MAP3K5: variants seen among roughly 807,000 people sequenced by gnomAD.
MAP3K5 encodes the protein mitogen-activated protein kinase kinase kinase 5, also known as ASK-1.
A neutral mutation model predicts 158.7 loss-of-function variants in MAP3K5; 56 were observed. That is an observed-to-expected ratio of 0.35 (90% confidence interval 0.28 to 0.44). MAP3K5 has a LOEUF of 0.44. Ranked by LOEUF, MAP3K5 falls within the 20% of genes least tolerant of loss-of-function variation. The pLI, the probability that MAP3K5 is intolerant of heterozygous loss-of-function variation, is 1.00. For synonymous variants in MAP3K5, 579 were observed against 601.7 expected (o/e 0.96, Z 0.55); for missense variants, 1,294 against 1,674.8 (o/e 0.77, Z 3.97).
chr6:136,780,900 T>C (rs1450815317), intron 1 of MAP3K5, among the ~76,000 whole-genome samples: 1 of 152,196 alleles, frequency 6.6e-6, no homozygotes, highest in African/African-American at 2.4e-5. Flanking sequence ...TAGCTTCAGT[T>C]TTTCCCATGC....
At chr6:136,742,970 A>T (rs916726105) in intron 1 of MAP3K5, among the ~76,000 whole-genome samples, 2 of 152,166 alleles carry the variant, frequency 1.3e-5, no homozygotes, top group Admixed American at 6.5e-5. Flanking sequence ...AGGCAGGAGG[A>T]TCACTTAAGG....
Position 136,629,875 on chromosome 6 carries a change from C to T in MAP3K5, c.2017-6894G>A, listed in dbSNP as rs543357152. ...CAAGCGATTCTCCTGCTTTAGCCTC[C>T]CGAGTAGCTGGGATTACAGGCGCTT... On this transcript the variant is annotated intron_variant, in intron 14 of 29. Coordinates refer to ENST00000359015, the MANE Select transcript of MAP3K5 (RefSeq NM_005923.4). Among the ~76,000 whole-genome samples, 6 of 152,160 alleles carry T rather than the reference C, an allele frequency of 3.9e-5. No homozygotes were observed. In the East Asian group the frequency reaches 1.2e-3, roughly 29 times the overall value.
chr6:136,696,408 G>A (rs1379648568), intron 5 of MAP3K5, among the ~76,000 whole-genome samples: 1 of 152,164 alleles, frequency 6.6e-6, no homozygotes, highest in Non-Finnish European at 1.5e-5. Context: ...AACAATTTCA[G>A]GGAAATAAAA....
At chr6:136,761,308 C>T (rs3041756) in intron 1 of MAP3K5, among the ~76,000 whole-genome samples, 923 of 81,270 alleles carry the variant, frequency 0.011, 13 homozygotes, top group African/African-American at 0.039. Context: ...AAAAAAAAAA[C>T]GAACAGTCAG....
chr6:136,714,768 G>A (rs1781450755), intron 2 of MAP3K5, among the ~76,000 whole-genome samples: 1 of 152,032 alleles, frequency 6.6e-6, no homozygotes, highest in South Asian at 2.1e-4. Flanking sequence ...TTAATGTTTT[G>A]GGGAGCTGCC....
At chr6:136,603,299 A>C (rs1775960500) in intron 19 of MAP3K5, among the ~76,000 whole-genome samples, 3 of 151,042 alleles carry the variant, frequency 2.0e-5, no homozygotes, top group South Asian at 4.2e-4. Flanking sequence ...CAGCCTCCCA[A>C]GTAGCTGGGA....
At chr6:136,665,056 A>G (rs1219670116) in intron 8 of MAP3K5, among the ~76,000 whole-genome samples, 1 of 152,236 alleles carries the variant, frequency 6.6e-6, no homozygotes, top group African/African-American at 2.4e-5. Context: ...GATCACTGAC[A>G]GCTGGGTCTT....
At chr6:136,558,115 A>T (rs1355484720) in intron 29 of MAP3K5, among the ~76,000 whole-genome samples, 1 of 152,242 alleles carries the variant, frequency 6.6e-6, no homozygotes, top group Admixed American at 6.5e-5. Context: ...GCGGTGGCGC[A>T]TGCCTGTAAT....
rs568429483 is a variant in MAP3K5, at chr6:136,705,130, T to C, written c.592A>G (p.Ile198Val). The change falls in exon 3 of 30, where the codon ATA (isoleucine) becomes GTA (valine). Residue 198 changes from isoleucine to valine, a missense_variant. Ile to Val is a conservative substitution (Grantham distance 29, BLOSUM62 3). This residue lies in a region of MAP3K5 where 690 missense variants were observed against 870.5 expected (regional missense o/e 0.79). Coordinates refer to ENST00000359015, the MANE Select transcript of MAP3K5 (RefSeq NM_005923.4). The stretch of plus-strand genomic sequence containing the variant: ...CTCACAGTATTCTTCTGGCAAATTA[T>C]TTCCTGAAAAACAAGAAAAAAAATA... ...NSDSLQSLKE[I>V]ICQKNTMCTG... 3.3e-6 allele frequency: 4 copies of C among 1,198,906 alleles called. No homozygotes were observed. The South Asian group carries it at 5.8e-5, about 17-fold the overall frequency. 74.3% of individuals were successfully genotyped at this position (1,198,906 alleles called of 1,614,324 possible).
chr6:136,580,234 AACAGATGAACAG>A, intron 25 of MAP3K5, 55 bp downstream of exon 25: 1 of 1,061,000 alleles, frequency 9.4e-7, no homozygotes, highest in Non-Finnish European at 1.5e-6. Context: ...TATCAGAAAT[AACAGATGAACAG>A]TAATCTAAAA....
intron 2 of MAP3K5, among the ~76,000 whole-genome samples, chr6:136,713,591 G>T (rs1209356712): frequency 6.6e-6 from 1 of 152,154 alleles, no homozygotes; most frequent in Non-Finnish European, 1.5e-5. Context: ...TCATAAAGCA[G>T]TGTTACATGA....
intron 21 of MAP3K5, among the ~76,000 whole-genome samples, chr6:136,600,337 A>G (rs1775820198): frequency 6.6e-6 from 1 of 151,644 alleles, no homozygotes; most frequent in Non-Finnish European, 1.5e-5. Flanking sequence ...GACCATAGGC[A>G]TGCACCACCG....
At position 136,613,108 on chromosome 6, in the gene MAP3K5, G is replaced by A; in HGVS notation, c.2415+12C>T. On this transcript the variant is annotated intron_variant, in intron 17 of 29. Transcript: ENST00000359015. This position sits in a 1 kb window ranked among gnomAD's most constrained non-coding sequence, Gnocchi z 4.0. ...GAAAGAACTCATGAAAATGAATGCT[G>A]GTGTACCTCACCTTTATGTCCCGGT... The A allele has an allele frequency of 6.3e-7, 1 of 1,592,516 alleles. No homozygotes were observed. The highest frequency in any genetic ancestry group is 1.3e-5 in the African/African-American group (1 of 74,244).
rs867260507 is a variant in MAP3K5 at position 136,651,174 on chromosome 6, C to T, written c.1681-83G>A. The T allele has an allele frequency of 9.7e-5, 64 of 658,644 alleles. 1 individual carries two copies. The highest frequency in any genetic ancestry group is 8.0e-4 in the South Asian group (44 of 55,282). The allele number at this position is 658,644 out of a possible 1,614,324, so 40.8% of individuals were successfully genotyped here. Reference sequence around the variant, plus strand: ...AGCTGCTATAACACCCCAGCACCAACGTAGAGGATTATTGCATGAGCTTCT... The same window carrying T: ...AGCTGCTATAACACCCCAGCACCAATGTAGAGGATTATTGCATGAGCTTCT... On this transcript the variant is annotated intron_variant, in intron 10 of 29. Coordinates refer to ENST00000359015, the MANE Select transcript of MAP3K5 (RefSeq NM_005923.4).
At chr6:136,601,163 GC>G in intron 20 of MAP3K5, 121 bp from the exon 21 acceptor site, 2 of 837,130 alleles carry the variant, frequency 2.4e-6, no homozygotes, top group Non-Finnish European at 3.9e-6. Flanking sequence ...CATTCAATCT[GC>G]CCATTCTCCT....
intron 8 of MAP3K5, among the ~76,000 whole-genome samples, chr6:136,661,926 G>C (rs959102394): frequency 1.8e-4 from 27 of 152,324 alleles, no homozygotes; most frequent in African/African-American, 6.3e-4. Flanking sequence ...TTTTGGCCTT[G>C]CCATACATTT....
At chr6:136,620,791 A>T (rs925093672) in intron 15 of MAP3K5, among the ~76,000 whole-genome samples, 1 of 152,232 alleles carries the variant, frequency 6.6e-6, no homozygotes, top group Admixed American at 6.5e-5. Flanking sequence ...TTACAGAGAG[A>T]TGTAAGGGAA....
chr6:136,727,385 G>C (rs1458339133), intron 1 of MAP3K5, among the ~76,000 whole-genome samples: 1 of 152,178 alleles, frequency 6.6e-6, no homozygotes, highest in Non-Finnish European at 1.5e-5. Context: ...CTGAAGCAGA[G>C]AATGTATCTG....
At chr6:136,687,310 C>T (rs1182097746) in intron 7 of MAP3K5, among the ~76,000 whole-genome samples, 1 of 152,114 alleles carries the variant, frequency 6.6e-6, no homozygotes, top group African/African-American at 2.4e-5. Context: ...AGACCTAACA[C>T]CATAAAAACC....
Sources: gnomAD v4.1 joint callset for allele counts (sites outside exome capture counted in the v4.1 genomes callset) on GRCh38, gnomAD v4.1.1 for gene constraint, gnomAD v4.1.1 regional missense constraint, Gnocchi (gnomAD v3.1) non-coding constraint, MANE v1.5 for transcripts, NCBI Gene and HGNC (gene_info 2026-07-23, HGNC 2026-07-21) for gene names.